Variants in IQGAP2 observed in about 807,000 individuals in gnomAD.
The protein encoded by IQGAP2 is IQ motif containing GTPase activating protein 2, also known as ras GTPase-activating-like protein IQGAP2.
IQGAP2 carries 173 observed loss-of-function variants against 201.3 expected under a neutral mutation model. The ratio of observed to expected loss-of-function variants is 0.86; its 90% CI spans 0.76 to 0.98. The LOEUF (loss-of-function observed/expected upper bound fraction) is 0.98. IQGAP2 is among the 50% of genes least tolerant of loss of function. The probability of loss-of-function intolerance (pLI) is 0.00; values close to 1 mark genes in which losing one functional copy is unlikely to be tolerated. For synonymous variants in IQGAP2, 675 were observed against 673.9 expected (o/e 1.00, Z -0.03); for missense variants, 1,687 against 1,864.8 (o/e 0.90, Z 1.76).
chr5:76,585,547 C>T (rs1461327879), intron 5 of IQGAP2, among the ~76,000 whole-genome samples: 1 of 149,288 alleles, frequency 6.7e-6, no homozygotes, highest in Non-Finnish European at 1.5e-5. Context: ...GACTTTCACT[C>T]TTGCTGCCCA....
chr5:76,702,439 T>C, intron 34 of IQGAP2, 43 bp from the exon 35 acceptor site: 1 of 891,390 alleles, frequency 1.1e-6, no homozygotes, highest in Non-Finnish European at 1.9e-6. Context: ...TAAGCACATC[T>C]GTATTTGTAA....
intron 2 of IQGAP2, among the ~76,000 whole-genome samples, chr5:76,482,871 T>C (rs1220917814): frequency 6.6e-6 from 1 of 152,210 alleles, no homozygotes; most frequent in Non-Finnish European, 1.5e-5. Flanking sequence ...GTTCTGTTAG[T>C]GCCTGAGTGG....
intron 2 of IQGAP2, among the ~76,000 whole-genome samples, chr5:76,470,994 A>G (rs186735447): frequency 7.2e-5 from 11 of 152,222 alleles, no homozygotes; most frequent in Admixed American, 7.2e-4. Context: ...AGTAGATTTT[A>G]TATTAATCTG....
chr5:76,654,829 G>C (rs1438517738), intron 19 of IQGAP2, 105 bp from the exon 20 acceptor site: 2 of 706,146 alleles, frequency 2.8e-6, no homozygotes, highest in South Asian at 1.8e-5. Context: ...TCAGTTCTAA[G>C]TAGTGTCAGT....
At position 76,426,905 on chromosome 5, in the gene IQGAP2, G is replaced by GGTGTGTGTGTGTGTGTGT. The variant is rs141560559; in HGVS notation, c.46+23328_46+23345dup. The stretch of plus-strand genomic sequence containing the variant: ...AGCCAAGCGGGGAAAAACCATGGAG[G>GGTGTGTGTGTGTGTGTGT]GTGTGTGTGTGTGTGTGTGTGTGTG... On this transcript the variant is annotated intron_variant, in intron 1 of 35. Coordinates refer to ENST00000274364, the MANE Select transcript of IQGAP2 (RefSeq NM_006633.5). Among the ~76,000 whole-genome samples the GGTGTGTGTGTGTGTGTGT allele has an allele frequency of 2.5e-3, 366 of 146,686 alleles. 1 individual carries two copies. Among genetic ancestry groups the GGTGTGTGTGTGTGTGTGT allele is most frequent in the East Asian group, 7.8e-3 (38 of 4,896 alleles).
At chr5:76,415,148 C>T (rs1751341576) in intron 1 of IQGAP2, among the ~76,000 whole-genome samples, 1 of 152,182 alleles carries the variant, frequency 6.6e-6, no homozygotes, top group African/African-American at 2.4e-5. Context: ...AAATAGTTTT[C>T]ACCATATGCC....
intron 1 of IQGAP2, among the ~76,000 whole-genome samples, chr5:76,406,756 A>T (rs1427604281): frequency 6.6e-6 from 1 of 152,230 alleles, no homozygotes; most frequent in Non-Finnish European, 1.5e-5. Context: ...TACCACTGAT[A>T]ACCCAATCAA....
At chr5:76,613,514 G>C (rs1264389790) in intron 13 of IQGAP2, among the ~76,000 whole-genome samples, 1 of 152,134 alleles carries the variant, frequency 6.6e-6, no homozygotes, top group Non-Finnish European at 1.5e-5. Flanking sequence ...TATACAATAT[G>C]TAAATATATA....
At position 76,600,971 on chromosome 5, in the gene IQGAP2, C is replaced by G. The variant is rs766791151; in HGVS notation, c.1231C>G (p.Arg411Gly). ...LNNLDKAYVE[R>G]YANTLLSVKL... Reference sequence around the variant, plus strand: ...CAATCTGGACAAGGCATATGTGGAACGGTAAGGAACATTTTCCAAACCTTC... The same window carrying G: ...CAATCTGGACAAGGCATATGTGGAAGGGTAAGGAACATTTTCCAAACCTTC... Residue 411 changes from arginine (R) to glycine (G), a missense_variant and splice_region_variant, in exon 11 of 36, where the codon CGT becomes GGT. By Grantham distance (125) the Arg-to-Gly change is moderately radical. Coordinates refer to ENST00000274364, the MANE Select transcript of IQGAP2 (RefSeq NM_006633.5). 1 of 1,609,410 alleles carries G rather than the reference C, an allele frequency of 6.2e-7. No homozygotes were observed. Among genetic ancestry groups the G allele is most frequent in the Non-Finnish European group, 8.5e-7 (1 of 1,176,444 alleles).
At chr5:76,406,601 G>A (rs1391117101) in intron 1 of IQGAP2, among the ~76,000 whole-genome samples, 1 of 152,248 alleles carries the variant, frequency 6.6e-6, no homozygotes, top group Non-Finnish European at 1.5e-5. Flanking sequence ...TTGTGTTGTT[G>A]TAATGGATTA....
At chr5:76,680,217 CAG>C (rs917841843) in intron 28 of IQGAP2, among the ~76,000 whole-genome samples, 4 of 152,184 alleles carry the variant, frequency 2.6e-5, no homozygotes, top group African/African-American at 7.2e-5. Flanking sequence ...TTCATTCTGA[CAG>C]GGGACTAAGT....
intron 2 of IQGAP2, among the ~76,000 whole-genome samples, chr5:76,480,105 G>T (rs543778066): frequency 6.6e-6 from 1 of 152,186 alleles, no homozygotes; most frequent in Admixed American, 6.5e-5. Context: ...GTTTGTGTAG[G>T]TGGGGGCTGG....
chr5:76,589,600 T>C lies in IQGAP2; in HGVS notation c.527-15T>C, dbSNP rs771283831. On this transcript the variant is annotated splice_polypyrimidine_tract_variant and intron_variant, in intron 6 of 35. Transcript: ENST00000274364. ...TTTCTCTGATAATGATTATGATTAT[T>C]TTGTTCTTTGTTAGAGGAGGAAATC... is the stretch of plus-strand genomic sequence containing the variant. 2 of 1,395,042 alleles carry C rather than the reference T, an allele frequency of 1.4e-6. No homozygotes were observed. Among genetic ancestry groups the C allele is most frequent in the Non-Finnish European group, 1.0e-6 (1 of 996,182 alleles). The allele number at this position is 1,395,042 out of a possible 1,614,324, so 86.4% of individuals were successfully genotyped here. A position where few individuals can be genotyped will look rare whatever the true frequency, so the allele number is the denominator to read the frequency against.
chr5:76,619,596 A>T (rs867364352), intron 13 of IQGAP2, among the ~76,000 whole-genome samples: 1 of 148,316 alleles, frequency 6.7e-6, no homozygotes, highest in African/African-American at 2.5e-5. Context: ...AGCTCACTGC[A>T]ACCTCCGCCT....
chr5:76,585,519 CTTT>C (rs796557657), intron 5 of IQGAP2, among the ~76,000 whole-genome samples: 1 of 143,050 alleles, frequency 7.0e-6, no homozygotes, highest in Non-Finnish European at 1.5e-5. Flanking sequence ...TTCTTTTTTT[CTTT>C]TTTTTTTTGA....
At chr5:76,468,061 T>C (rs905216617) in intron 2 of IQGAP2, among the ~76,000 whole-genome samples, 1 of 152,204 alleles carries the variant, frequency 6.6e-6, no homozygotes, top group Non-Finnish European at 1.5e-5. Flanking sequence ...TTGAGTATAC[T>C]AAGAACCACT....
At chr5:76,521,428 A>G (rs1348325990) in intron 2 of IQGAP2, among the ~76,000 whole-genome samples, 2 of 152,196 alleles carry the variant, frequency 1.3e-5, no homozygotes, top group Non-Finnish European at 2.9e-5. Context: ...AGCAGGCAAA[A>G]TCTAATTTGT....
chr5:76,470,230 A>C (rs1435437752), intron 2 of IQGAP2, among the ~76,000 whole-genome samples: 2 of 152,214 alleles, frequency 1.3e-5, no homozygotes, highest in African/African-American at 4.8e-5. Flanking sequence ...GGCAACTGAG[A>C]GAAGAAGATG....
intron 1 of IQGAP2, among the ~76,000 whole-genome samples, chr5:76,455,538 C>T (rs997760717): frequency 4.1e-4 from 62 of 151,196 alleles, no homozygotes; most frequent in Non-Finnish European, 1.3e-4. Context: ...AGTGTGGGGA[C>T]TTTTGTATGA....
Sources: gnomAD v4.1 joint callset for allele counts (sites outside exome capture counted in the v4.1 genomes callset) on GRCh38, gnomAD v4.1.1 for gene constraint, MANE v1.5 for transcripts, NCBI Gene and HGNC (gene_info 2026-07-23, HGNC 2026-07-21) for gene names.